Variants in IL31RA observed in about 807,000 individuals in gnomAD.
The protein encoded by IL31RA is interleukin-31 receptor subunit alpha.
A neutral mutation model predicts 83.7 loss-of-function variants in IL31RA; 66 were observed. That is an observed-to-expected ratio of 0.79 (90% CI 0.65 to 0.97). IL31RA has a LOEUF of 0.97. Ranked by LOEUF, IL31RA falls within the 50% of genes least tolerant of loss-of-function variation. The probability of loss-of-function intolerance (pLI) is 0.00; values close to 1 mark genes in which losing one functional copy is unlikely to be tolerated. For synonymous variants in IL31RA, 325 were observed against 329.0 expected (o/e 0.99, Z 0.13); for missense variants, 798 against 919.4 (o/e 0.87, Z 1.71).
intron 1 of IL31RA, among the ~76,000 whole-genome samples, chr5:55,858,264 C>T (rs1046187803): frequency 1.3e-5 from 2 of 152,122 alleles, no homozygotes; most frequent in Non-Finnish European, 2.9e-5. Flanking sequence ...CTTTCATAGC[C>T]TTCCTTTTTA....
chr5:55,901,361 T>C (rs1265283310), intron 8 of IL31RA, among the ~76,000 whole-genome samples: 1 of 152,066 alleles, frequency 6.6e-6, no homozygotes, highest in Non-Finnish European at 1.5e-5. Flanking sequence ...TGGTAAAGAA[T>C]AGGGTATAAA....
intron 2 of IL31RA, among the ~76,000 whole-genome samples, chr5:55,860,386 T>A (rs529794568): frequency 1.2e-4 from 18 of 149,950 alleles, no homozygotes; most frequent in African/African-American, 4.4e-4. Context: ...AAAAATGTTA[T>A]GTGAATGTGG....
intron 2 of IL31RA, among the ~76,000 whole-genome samples, chr5:55,864,917 C>T (rs1178283969): frequency 6.6e-6 from 1 of 152,176 alleles, no homozygotes; most frequent in Non-Finnish European, 1.5e-5. Context: ...ACCCCATACA[C>T]ACACATGCAC....
chr5:55,847,014 G>A (rs959707552), upstream of IL31RA, among the ~76,000 whole-genome samples: 4 of 151,432 alleles, frequency 2.6e-5, no homozygotes, highest in Non-Finnish European at 4.4e-5. Context: ...GGAGGCTGAG[G>A]CAGGTGGATC....
rs776283324 is a variant in IL31RA, at chr5:55,890,093, A to G, written c.730A>G (p.Ser244Gly). The G allele has an allele frequency of 6.2e-7, 1 of 1,613,920 alleles. No homozygotes were observed. Among genetic ancestry groups the G allele is most frequent in the South Asian group, 1.1e-5 (1 of 91,066 alleles). The change falls in exon 6 of 15, where the codon AGT becomes GGT. Residue 244 changes from serine (S) to glycine (G), a missense_variant. Ser to Gly is a moderately conservative substitution (Grantham distance 56). Transcript: ENST00000652347. The stretch of plus-strand genomic sequence containing the variant: ...TGCGGTCAAGGAGTCAAAGTTCTGG[A>G]GTGACTGGAGCCAAGAAAAAATGGG... ...RCAVKESKFW[S>G]DWSQEKMGMT...
intron 11 of IL31RA, 45 bp downstream of exon 11, chr5:55,908,456 A>G (rs779823460): frequency 6.2e-7 from 1 of 1,614,198 alleles, no homozygotes; most frequent in Non-Finnish European, 8.5e-7. Flanking sequence ...CAAGCCCCAG[A>G]TAGATGCTAT....
Position 55,921,347 on chromosome 5 carries a change from G to A in IL31RA, c.*4227G>A, listed in dbSNP as rs951615996. Reference sequence around the variant, plus strand: ...ATATAAAAATTCATGCATGAGCAAAGCATTTTGAACATCCATGAAAAACCC... The same window carrying A: ...ATATAAAAATTCATGCATGAGCAAAACATTTTGAACATCCATGAAAAACCC... On this transcript the variant is annotated 3_prime_UTR_variant, in exon 15 of 15. Transcript: ENST00000652347. 6.6e-6 allele frequency among the ~76,000 whole-genome samples: 1 copy of A among 152,194 alleles called. No individual in the cohort carries two copies. Among genetic ancestry groups the A allele is most frequent in the Non-Finnish European group, 1.5e-5 (1 of 68,034 alleles).
intron 4 of IL31RA, among the ~76,000 whole-genome samples, chr5:55,875,955 C>T (rs1160860204): frequency 6.6e-6 from 1 of 151,794 alleles, no homozygotes; most frequent in African/African-American, 2.4e-5. Context: ...TTTTTTTAAT[C>T]CTTTAATGAA....
Position 55,921,765 on chromosome 5 carries a change from T to C in IL31RA, c.*4645T>C, listed in dbSNP as rs1422379817. ...AACTTTTCTTTTTTTATTGTTGCCA[T>C]GTCCCTGTGTTGACATTACAGAATG... On this transcript the variant is annotated 3_prime_UTR_variant, in exon 15 of 15. Transcript: ENST00000652347. Among the ~76,000 whole-genome samples, 2 of 152,228 alleles carry C rather than the reference T, an allele frequency of 1.3e-5. 1 individual carries two copies. Among genetic ancestry groups the C allele is most frequent in the South Asian group, 4.1e-4 (2 of 4,826 alleles).
the IL31RA span, among the ~76,000 whole-genome samples, chr5:55,845,445 G>A: frequency 2.4e-5 from 1 of 42,280 alleles, no homozygotes; most frequent in African/African-American, 1.1e-4. Context: ...GAGGGCAGGT[G>A]ATATGGTTTG....
intron 4 of IL31RA, among the ~76,000 whole-genome samples, chr5:55,874,113 A>C (rs952219829): frequency 6.6e-6 from 1 of 152,062 alleles, no homozygotes; most frequent in African/African-American, 2.4e-5. Flanking sequence ...GTGGATATCC[A>C]GTTATCTCAG....
At chr5:55,853,596 T>C (rs756295101) in intron 1 of IL31RA, 12 of 1,547,066 alleles carry the variant, frequency 7.8e-6, no homozygotes, top group South Asian at 1.2e-5. Context: ...AGAAGAGTGA[T>C]AGTTTGATCA....
At chr5:55,839,914 A>G in the IL31RA span, 1 of 687,496 alleles carries the variant, frequency 1.5e-6, no homozygotes, top group Non-Finnish European at 2.7e-6. Flanking sequence ...CTTGAGCCTT[A>G]TTTTGAATTT....
chr5:55,894,389 GTC>G (rs1409645407), intron 6 of IL31RA, among the ~76,000 whole-genome samples: 1 of 152,156 alleles, frequency 6.6e-6, no homozygotes, highest in African/African-American at 2.4e-5. Context: ...CGGCTGTCCT[GTC>G]TTATGATTCA....
chr5:55,921,374 A>G lies in IL31RA; in HGVS notation c.*4254A>G, dbSNP rs983017218. Among the ~76,000 whole-genome samples, 7 of 152,200 alleles carry G rather than the reference A, an allele frequency of 4.6e-5. No homozygotes were observed. Among genetic ancestry groups the G allele is most frequent in the South Asian group, 2.1e-4 (1 of 4,834 alleles). On this transcript the variant is annotated 3_prime_UTR_variant, in exon 15 of 15. Coordinates refer to ENST00000652347, the MANE Select transcript of IL31RA (RefSeq NM_139017.7). Reference sequence around the variant, plus strand: ...ATTTTGAACATCCATGAAAAACCCCATGGCGGGCCTGCATGGTGTGGTTTG... The same window carrying G: ...ATTTTGAACATCCATGAAAAACCCCGTGGCGGGCCTGCATGGTGTGGTTTG...
chr5:55,889,888 A>G, intron 5 of IL31RA, 82 bp from the exon 6 acceptor site: 2 of 1,255,192 alleles, frequency 1.6e-6, no homozygotes, highest in Non-Finnish European at 2.3e-6. Flanking sequence ...TAAAAATGTA[A>G]AAGTACACTA....
chr5:55,868,055 C>T (rs1458798481), intron 2 of IL31RA, among the ~76,000 whole-genome samples: 1 of 152,146 alleles, frequency 6.6e-6, no homozygotes, highest in East Asian at 1.9e-4. Context: ...ATAATGGTGA[C>T]AAAGTCACAG....
chr5:55,902,935 T>C (rs1168412862), intron 8 of IL31RA, among the ~76,000 whole-genome samples: 1 of 152,186 alleles, frequency 6.6e-6, no homozygotes, highest in African/African-American at 2.4e-5. Flanking sequence ...TGGAGTGGGA[T>C]GATTCCAGCT....
intron 4 of IL31RA, among the ~76,000 whole-genome samples, chr5:55,879,425 C>CCTTTTT (rs1747055334): frequency 2.2e-5 from 1 of 45,800 alleles, no homozygotes; most frequent in African/African-American, 9.7e-5. Context: ...AGTTTCTGTC[C>CCTTTTT]TTTTTTTTTT....
Sources: allele counts gnomAD v4.1 joint callset (sites outside exome capture counted in the v4.1 genomes callset), GRCh38; gene constraint gnomAD v4.1.1; transcripts MANE v1.5; gene names NCBI Gene and HGNC (gene_info 2026-07-23, HGNC 2026-07-21).